The following FGF19 variants were observed in gnomAD, a reference collection of about 807,000 sequenced individuals.
The protein encoded by FGF19 is FGF-19.
FGF19 carries 5 observed loss-of-function variants against 8.9 expected under a neutral mutation model. The observed-to-expected ratio is 0.56, with a 90% CI of 0.29 to 1.18. FGF19 has a LOEUF of 1.18. Ranked by LOEUF, FGF19 falls within the 50% of genes most tolerant of loss-of-function variation. The pLI is 0.08. For synonymous variants in FGF19, 124 were observed against 128.0 expected (o/e 0.97, Z 0.21); for missense variants, 237 against 293.9 (o/e 0.81, Z 1.42).
At position 69,703,426 on chromosome 11, in the gene FGF19, G is replaced by T; in HGVS notation, c.233-62C>A. 2 of 1,330,116 alleles carry T rather than the reference G, an allele frequency of 1.5e-6. No homozygotes were observed. The highest frequency in any genetic ancestry group is 2.1e-6 in the Non-Finnish European group (2 of 947,622). The allele number at this position is 1,330,116 out of a possible 1,614,324, so 82.4% of individuals were successfully genotyped here. On this transcript the variant is annotated intron_variant, in intron 1 of 2. Transcript: ENST00000294312. This position sits in a 1 kb window ranked among gnomAD's most constrained non-coding sequence, Gnocchi z 6.8. ...CGCTGGGCCCGCACCACGTGGGTGCGGTCGGTCCACAAGCCTGTGCTTCTC... is the reference window on the plus strand; with the variant it reads ...CGCTGGGCCCGCACCACGTGGGTGCTGTCGGTCCACAAGCCTGTGCTTCTC...
Position 69,699,009 on chromosome 11 carries a change from A to C in FGF19, c.*253T>G. On this transcript the variant is annotated 3_prime_UTR_variant, in exon 3 of 3. Transcript: ENST00000294312. Reference sequence around the variant, plus strand: ...AGACAGTGCAGCAGCTTGTCCAGCAACCTCGAGGGAGCAGAATGGGGGCCC... The same window carrying C: ...AGACAGTGCAGCAGCTTGTCCAGCACCCTCGAGGGAGCAGAATGGGGGCCC... 14 of 471,540 alleles carry C rather than the reference A, an allele frequency of 3.0e-5. No homozygotes were observed. The highest frequency in any genetic ancestry group is 1.1e-4 in the East Asian group (3 of 28,152). The allele number at this position is 471,540 out of a possible 1,614,324, so 29.2% of individuals were successfully genotyped here. A position where few individuals can be genotyped will look rare whatever the true frequency, so the allele number is the denominator to read the frequency against.
At position 69,703,404 on chromosome 11, in the gene FGF19, T is replaced by C; in HGVS notation, c.233-40A>G. On this transcript the variant is annotated intron_variant, in intron 1 of 2. Transcript: ENST00000294312. The surrounding 1 kb of genome is among the most constrained non-coding windows in gnomAD (Gnocchi z 6.8). ...AGCGAGAAGCTGCAGCAAGGACCGCTGGGCCCGCACCACGTGGGTGCGGTC... is the reference window on the plus strand; with the variant it reads ...AGCGAGAAGCTGCAGCAAGGACCGCCGGGCCCGCACCACGTGGGTGCGGTC... The C allele has an allele frequency of 6.7e-7, 1 of 1,495,228 alleles. No homozygotes were observed. The highest frequency in any genetic ancestry group is 9.2e-7 in the Non-Finnish European group (1 of 1,092,452). The allele number at this position is 1,495,228 out of a possible 1,614,324, so 92.6% of individuals were successfully genotyped here. A position where few individuals can be genotyped will look rare whatever the true frequency, so the allele number is the denominator to read the frequency against.
Position 69,699,280 on chromosome 11 carries a change from A to G in FGF19, c.633T>C (p.Ser211=). 1 of 1,611,160 alleles carries G rather than the reference A, an allele frequency of 6.2e-7. No homozygotes were observed. The highest frequency in any genetic ancestry group is 1.1e-5 in the South Asian group (1 of 90,862). ...GLVTGLEAVR[S]PSFEK is the part of the protein sequence containing the mutation. Reference sequence around the variant, plus strand: ...GTCTCAGTTACTTCTCAAAGCTGGGACTCCTCACGGCCTCCAGTCCGGTGA... The same window carrying G: ...GTCTCAGTTACTTCTCAAAGCTGGGGCTCCTCACGGCCTCCAGTCCGGTGA... The change falls in exon 3 of 3, where the codon AGT becomes AGC. Residue 211 remains serine (S), a synonymous_variant. Transcript: ENST00000294312.
intron 2 of FGF19, among the ~76,000 whole-genome samples, chr11:69,701,701 A>G (rs897534537): frequency 3.1e-4 from 47 of 150,996 alleles, no homozygotes; most frequent in Non-Finnish European, 5.0e-4. Flanking sequence ...GGTGGCTCAC[A>G]CCTCTAATCC....
intron 2 of FGF19, among the ~76,000 whole-genome samples, chr11:69,700,290 G>T (rs1463101801): frequency 6.6e-6 from 1 of 151,696 alleles, no homozygotes; most frequent in South Asian, 2.1e-4. Context: ...CAAAACTGAG[G>T]TTTATTATTT....
In FGF19 at chr11:69,703,753, T is replaced by G. The variant is rs1854805493; in HGVS notation, c.124A>C (p.Ile42Leu). 1.6e-6 allele frequency: 2 copies of G among 1,233,842 alleles called. No homozygotes were observed. Among genetic ancestry groups the G allele is most frequent in the Non-Finnish European group, 1.0e-6 (1 of 988,732 alleles). The allele number at this position is 1,233,842 out of a possible 1,614,324, so 76.4% of individuals were successfully genotyped here. ...GAGGTGTACAGGTGCCGCAGGCGGA[T>G]GGGGTCGCCCCAGCCGTAGTGCACG... ...PHVHYGWGDPIRLRHLYTSGP... is the reference protein window; with the variant it reads ...PHVHYGWGDPLRLRHLYTSGP... Residue 42 changes from isoleucine (I) to leucine (L), a missense_variant, in exon 1 of 3, where the codon ATC (isoleucine) becomes CTC (leucine). Coordinates refer to ENST00000294312, the MANE Select transcript of FGF19 (RefSeq NM_005117.3). This position sits in a 1 kb window ranked among gnomAD's most constrained non-coding sequence, Gnocchi z 6.8.
Position 69,698,777 on chromosome 11 carries a change from G to C in FGF19, c.*485C>G, listed in dbSNP as rs1854734529. 1 of 213,616 alleles carries C rather than the reference G, an allele frequency of 4.7e-6. No homozygotes were observed. Among genetic ancestry groups the C allele is most frequent in the Non-Finnish European group, 9.6e-6 (1 of 104,402 alleles). The allele number at this position is 213,616 out of a possible 1,614,324, so 13.2% of individuals were successfully genotyped here. A position where few individuals can be genotyped will look rare whatever the true frequency, so the allele number is the denominator to read the frequency against. Reference sequence around the variant, plus strand: ...AGGGCAAATGGTCCCTGGAAGTAGAGATATAGATCAATTCCCACATGGGGT... The same window carrying C: ...AGGGCAAATGGTCCCTGGAAGTAGACATATAGATCAATTCCCACATGGGGT... On this transcript the variant is annotated 3_prime_UTR_variant, in exon 3 of 3. Transcript: ENST00000294312.
At chr11:69,699,603 C>G in intron 2 of FGF19, 27 bp from the exon 3 acceptor site, 1 of 1,566,950 alleles carries the variant, frequency 6.4e-7, no homozygotes, top group Non-Finnish European at 8.7e-7. Context: ...CAGCTCTGAG[C>G]AATCCACAGT....
At position 69,703,091 on chromosome 11, in the gene FGF19, A is replaced by G. The variant is rs1054370933; in HGVS notation, c.336+170T>C. On this transcript the variant is annotated intron_variant, in intron 2 of 2. Transcript: ENST00000294312. The surrounding 1 kb of genome is among the most constrained non-coding windows in gnomAD (Gnocchi z 6.8). ...AAATTTCCGTAGGAAATCGTCGGAC[A>G]TGCACTTAATCGGTCTTTGCAATCT... Among the ~76,000 whole-genome samples, 2 of 152,234 alleles carry G rather than the reference A, an allele frequency of 1.3e-5. No homozygotes were observed. The highest frequency in any genetic ancestry group is 2.1e-4 in the South Asian group (1 of 4,838).
In FGF19 at chr11:69,698,875, G is replaced by C; in HGVS notation, c.*387C>G. 4.0e-6 allele frequency: 1 copy of C among 247,418 alleles called. No homozygotes were observed. The highest frequency in any genetic ancestry group is 1.1e-4 in the South Asian group (1 of 9,246). 15.3% of individuals were successfully genotyped at this position (247,418 alleles called of 1,614,324 possible). A position where few individuals can be genotyped will look rare whatever the true frequency, so the allele number is the denominator to read the frequency against. On this transcript the variant is annotated 3_prime_UTR_variant, in exon 3 of 3. Coordinates refer to ENST00000294312, the MANE Select transcript of FGF19 (RefSeq NM_005117.3). ...AAATTAAAACTACTGCCTGTCTTCT[G>C]GCTGCTCCTGGGGAAGTGATGAGAA...
Position 69,703,216 on chromosome 11 carries a change from C to G in FGF19, c.336+45G>C, listed in dbSNP as rs778799135. On this transcript the variant is annotated intron_variant, in intron 2 of 2. Transcript: ENST00000294312. This position sits in a 1 kb window ranked among gnomAD's most constrained non-coding sequence, Gnocchi z 6.8. ...CTTCAGGCCTCCGCCCGGGGACAGG[C>G]GCCGGTCCCCCGCCCCGGCGCATCC... 15 of 1,393,752 alleles carry G rather than the reference C, an allele frequency of 1.1e-5. No individual in the cohort carries two copies. In the Admixed American group the frequency reaches 2.7e-4, roughly 25 times the overall value. 86.3% of individuals were successfully genotyped at this position (1,393,752 alleles called of 1,614,324 possible).
At chr11:69,700,927 C>G (rs1290555682) in intron 2 of FGF19, among the ~76,000 whole-genome samples, 3 of 152,254 alleles carry the variant, frequency 2.0e-5, no homozygotes, top group Non-Finnish European at 4.4e-5. Flanking sequence ...CCAGGACAGG[C>G]GCAGGCGGGA....
rs559302896 is a variant in FGF19, at chr11:69,703,031, C to T, written c.336+230G>A. On this transcript the variant is annotated intron_variant, in intron 2 of 2. Transcript: ENST00000294312. The surrounding 1 kb of genome is among the most constrained non-coding windows in gnomAD (Gnocchi z 6.8). The stretch of plus-strand genomic sequence containing the variant: ...GACTCAATTGGAAATGCAAAGGCAG[C>T]TTTTGCCTATTCTCTGGCTGCTGGC... Among the ~76,000 whole-genome samples the T allele has an allele frequency of 6.6e-6, 1 of 152,354 alleles. No individual in the cohort carries two copies. Among genetic ancestry groups the T allele is most frequent in the East Asian group, 1.9e-4 (1 of 5,178 alleles).
Position 69,702,478 on chromosome 11 carries a change from G to C in FGF19, c.336+783C>G, listed in dbSNP as rs979648427. ...ACCTCACACAGCCTCCTCTGCGCGC[G>C]GGGCCGCGGGAGGGGCGCGGGTTCG... On this transcript the variant is annotated intron_variant, in intron 2 of 2. Coordinates refer to ENST00000294312, the MANE Select transcript of FGF19 (RefSeq NM_005117.3). This position sits in a 1 kb window ranked among gnomAD's most constrained non-coding sequence, Gnocchi z 4.6. Among the ~76,000 whole-genome samples the C allele has an allele frequency of 2.0e-5, 3 of 152,076 alleles. No individual in the cohort carries two copies. In the East Asian group the frequency reaches 5.8e-4, roughly 29 times the overall value.
rs934701983 is a variant in FGF19 at position 69,698,799 on chromosome 11, G to C, written c.*463C>G. 35 of 221,166 alleles carry C rather than the reference G, an allele frequency of 1.6e-4. No homozygotes were observed. Among genetic ancestry groups the C allele is most frequent in the Non-Finnish European group, 2.8e-4 (31 of 108,998 alleles). The allele number at this position is 221,166 out of a possible 1,614,324, so 13.7% of individuals were successfully genotyped here. On this transcript the variant is annotated 3_prime_UTR_variant, in exon 3 of 3. Transcript: ENST00000294312. Reference sequence around the variant, plus strand: ...AGAGATATAGATCAATTCCCACATGGGGTTGAGTGAAATTTACCTGCTGTT... The same window carrying C: ...AGAGATATAGATCAATTCCCACATGCGGTTGAGTGAAATTTACCTGCTGTT...
In FGF19 at chr11:69,703,376, G is replaced by C; in HGVS notation, c.233-12C>G. ...GATCTCCAGCAAACCTAGGCGCAGGGGAAGCGAGAAGCTGCAGCAAGGACC... is the reference window on the plus strand; with the variant it reads ...GATCTCCAGCAAACCTAGGCGCAGGCGAAGCGAGAAGCTGCAGCAAGGACC... On this transcript the variant is annotated splice_polypyrimidine_tract_variant and intron_variant, in intron 1 of 2. Transcript: ENST00000294312. This position sits in a 1 kb window ranked among gnomAD's most constrained non-coding sequence, Gnocchi z 6.8. 1 of 1,594,536 alleles carries C rather than the reference G, an allele frequency of 6.3e-7. No homozygotes were observed. Among genetic ancestry groups the C allele is most frequent in the Non-Finnish European group, 8.5e-7 (1 of 1,170,148 alleles).
rs559561285 is a variant in FGF19 at position 69,703,774 on chromosome 11, G to A, written c.103C>T (p.His35Tyr). The A allele has an allele frequency of 2.4e-6, 3 of 1,235,306 alleles. No individual in the cohort carries two copies. Among genetic ancestry groups the A allele is most frequent in the Non-Finnish European group, 2.0e-6 (2 of 989,440 alleles). 76.5% of individuals were successfully genotyped at this position (1,235,306 alleles called of 1,614,324 possible). Residue 35 changes from histidine (H) to tyrosine (Y), a missense_variant, in exon 1 of 3, where the codon CAC becomes TAC. By Grantham distance (83) the His-to-Tyr change is moderately conservative. Transcript: ENST00000294312. This position sits in a 1 kb window ranked among gnomAD's most constrained non-coding sequence, Gnocchi z 6.8. The part of the protein sequence containing the change: ...LAFSDAGPHV[H>Y]YGWGDPIRLR... ...CGGATGGGGTCGCCCCAGCCGTAGT[G>A]CACGTGGGGCCCCGCGTCCGAGAAG...
chr11:69,700,384 T>G (rs1854755387), intron 2 of FGF19, among the ~76,000 whole-genome samples: 1 of 152,152 alleles, frequency 6.6e-6, no homozygotes, highest in Non-Finnish European at 1.5e-5. Context: ...ATTACCTCAC[T>G]TTTTCGAGAG....
Position 69,703,476 on chromosome 11 carries a change from A to C in FGF19, c.233-112T>G. ...CCCTAGCGTCCCGCGCTGTTTGGGG[A>C]CTAACGGAGGGATCCTAACGTCCAG... On this transcript the variant is annotated intron_variant, in intron 1 of 2. Coordinates refer to ENST00000294312, the MANE Select transcript of FGF19 (RefSeq NM_005117.3). The surrounding 1 kb of genome is among the most constrained non-coding windows in gnomAD (Gnocchi z 6.8). 1 of 910,590 alleles carries C rather than the reference A, an allele frequency of 1.1e-6. No individual in the cohort carries two copies. The highest frequency in any genetic ancestry group is 1.6e-6 in the Non-Finnish European group (1 of 615,036). The allele number at this position is 910,590 out of a possible 1,614,324, so 56.4% of individuals were successfully genotyped here. A position where few individuals can be genotyped will look rare whatever the true frequency, so the allele number is the denominator to read the frequency against.
Sources: allele counts gnomAD v4.1 joint callset (sites outside exome capture counted in the v4.1 genomes callset), GRCh38; gene constraint gnomAD v4.1.1; non-coding constraint Gnocchi (gnomAD v3.1); transcripts MANE v1.5; gene names NCBI Gene and HGNC (gene_info 2026-07-23, HGNC 2026-07-21).